SLC67A1: variants seen among roughly 807,000 people sequenced by gnomAD.
The protein encoded by SLC67A1 is solute carrier family 67 member A1.
chr11:2,915,933 G>GA, the SLC67A1 span, among the ~76,000 whole-genome samples: 2 of 152,260 alleles, frequency 1.3e-5, no homozygotes, highest in African/African-American at 2.4e-5. Flanking sequence ...TCCAGGTGGG[G>GA]ACTCATGGCA....
chr11:2,925,082 T>C, the SLC67A1 span: 4 of 1,613,846 alleles, frequency 2.5e-6, no homozygotes, highest in Admixed American at 1.7e-5. This position sits in a 1 kb window ranked among gnomAD's most constrained non-coding sequence, Gnocchi z 6.5. Flanking sequence ...GGCGGCCTCC[T>C]GTACCGCAGC....
At chr11:2,923,157 C>T in the SLC67A1 span, among the ~76,000 whole-genome samples, 1 of 152,346 alleles carries the variant, frequency 6.6e-6, no homozygotes, top group Non-Finnish European at 1.5e-5. This position sits in a 1 kb window ranked among gnomAD's most constrained non-coding sequence, Gnocchi z 6.5. Context: ...ACCCCAGGCA[C>T]AGTGTGGGTA....
chr11:2,921,858 C>T, the SLC67A1 span: 7 of 543,260 alleles, frequency 1.3e-5, no homozygotes, highest in Middle Eastern at 4.8e-4. Context: ...GTGGGCCTTT[C>T]CTTCCTCCCT....
At chr11:2,909,525 G>GGC in the SLC67A1 span, 1 of 795,052 alleles carries the variant, frequency 1.3e-6, no homozygotes, top group Non-Finnish European at 1.9e-6. Context: ...GTCAGGGGGG[G>GGC]AAGGGCCCCA....
At chr11:2,912,517 T>C in the SLC67A1 span, among the ~76,000 whole-genome samples, 3 of 147,642 alleles carry the variant, frequency 2.0e-5, no homozygotes, top group African/African-American at 2.4e-5. Flanking sequence ...GGGCTTTCCC[T>C]CCCTGCCCAC....
At chr11:2,915,960 A>G in the SLC67A1 span, among the ~76,000 whole-genome samples, 4 of 152,258 alleles carry the variant, frequency 2.6e-5, no homozygotes, top group Admixed American at 2.6e-4. Flanking sequence ...CTGACGGTAC[A>G]GCCAGAGTCC....
chr11:2,911,487 G>C, the SLC67A1 span, among the ~76,000 whole-genome samples: 1 of 152,114 alleles, frequency 6.6e-6, no homozygotes, highest in South Asian at 2.1e-4. Flanking sequence ...GTCTCTCCAG[G>C]GTGGCCAGGG....
At chr11:2,909,673 G>C in the SLC67A1 span, 8 of 1,541,876 alleles carry the variant, frequency 5.2e-6, no homozygotes, top group East Asian at 2.5e-5. Context: ...AGTCATCCTC[G>C]GCTCCCTGCT....
chr11:2,918,974 C>G, the SLC67A1 span: 1 of 282,258 alleles, frequency 3.5e-6, no homozygotes, highest in African/African-American at 2.2e-5. Context: ...GGATTGCAGA[C>G]GTGACTTTGA....
At chr11:2,912,658 T>G in the SLC67A1 span, among the ~76,000 whole-genome samples, 26 of 152,294 alleles carry the variant, frequency 1.7e-4, no homozygotes, top group African/African-American at 6.0e-4. Flanking sequence ...ATAACTGGTT[T>G]GGGCCCAGCC....
At chr11:2,917,525 G>A in the SLC67A1 span, among the ~76,000 whole-genome samples, 1 of 152,242 alleles carries the variant, frequency 6.6e-6, no homozygotes, top group African/African-American at 2.4e-5. Flanking sequence ...GTGCCCGGTG[G>A]GCCAGGCCAC....
At chr11:2,908,534 C>T in the SLC67A1 span, among the ~76,000 whole-genome samples, 2 of 152,254 alleles carry the variant, frequency 1.3e-5, no homozygotes, top group Non-Finnish European at 2.9e-5. Context: ...CCTTCCACTA[C>T]TCCTGCCTGT....
the SLC67A1 span, among the ~76,000 whole-genome samples, chr11:2,912,938 C>T: frequency 2.6e-5 from 4 of 152,182 alleles, no homozygotes; most frequent in Admixed American, 6.5e-5. Context: ...GCAGGACACC[C>T]CTGCCCAGCC....
chr11:2,905,540 T>C, the SLC67A1 span, among the ~76,000 whole-genome samples: 1 of 152,194 alleles, frequency 6.6e-6, no homozygotes, highest in Non-Finnish European at 1.5e-5. Flanking sequence ...TATTCCATGG[T>C]TTATATGTGC....
At chr11:2,917,921 G>A in the SLC67A1 span, 2 of 1,305,144 alleles carry the variant, frequency 1.5e-6, no homozygotes, top group South Asian at 2.8e-5. Flanking sequence ...GGCGAGGCCT[G>A]CAGCCGGGCG....
chr11:2,908,376 C>A, the SLC67A1 span: 1 of 1,441,762 alleles, frequency 6.9e-7, no homozygotes, highest in Non-Finnish European at 9.6e-7. Context: ...GTGACCCAGG[C>A]CCCCTCTCAG....
At chr11:2,924,801 G>A in the SLC67A1 span, among the ~76,000 whole-genome samples, 3 of 152,146 alleles carry the variant, frequency 2.0e-5, no homozygotes, top group African/African-American at 7.2e-5. This position sits in a 1 kb window ranked among gnomAD's most constrained non-coding sequence, Gnocchi z 8.6. Context: ...GGCTGGGCGG[G>A]TGGCAGGGGG....
At chr11:2,912,638 G>A in the SLC67A1 span, among the ~76,000 whole-genome samples, 5 of 152,158 alleles carry the variant, frequency 3.3e-5, no homozygotes, top group African/African-American at 9.6e-5. Context: ...CTGCGGGGGC[G>A]GGCACTGGTA....
the SLC67A1 span, among the ~76,000 whole-genome samples, chr11:2,923,491 C>T: frequency 6.6e-6 from 1 of 151,940 alleles, no homozygotes; most frequent in Non-Finnish European, 1.5e-5. This position sits in a 1 kb window ranked among gnomAD's most constrained non-coding sequence, Gnocchi z 6.5. Context: ...ACTCCATCCA[C>T]CTGCCTGTCT....
Sources: gnomAD v4.1 joint callset for allele counts (sites outside exome capture counted in the v4.1 genomes callset) on GRCh38, gnomAD v4.1.1 for gene constraint, Gnocchi (gnomAD v3.1) non-coding constraint, MANE v1.5 for transcripts, NCBI Gene and HGNC (gene_info 2026-07-23, HGNC 2026-07-21) for gene names.